DEUP1: variants seen among roughly 807,000 people sequenced by gnomAD.
DEUP1 encodes coiled-coil domain containing 67.
A neutral mutation model predicts 87.4 loss-of-function variants in DEUP1; 82 were observed. The observed-to-expected ratio is 0.94, with a 90% CI of 0.78 to 1.13. The LOEUF (loss-of-function observed/expected upper bound fraction) is 1.13, where lower values mean the gene tolerates loss of function less well. Among genes scored for constraint, DEUP1 ranks in the 50% most tolerant of loss-of-function variants. The pLI is 0.00. For synonymous variants in DEUP1, 214 were observed against 222.7 expected, an observed-to-expected ratio of 0.96 and a Z score of 0.35; for missense variants, 663 against 681.5, an observed-to-expected ratio of 0.97 and a Z score of 0.30.
intron 11 of DEUP1, among the ~76,000 whole-genome samples, chr11:93,405,207 C>G (rs1159685023): frequency 6.6e-6 from 1 of 151,828 alleles, no homozygotes; most frequent in Non-Finnish European, 1.5e-5. Context: ...CAACCCTTTT[C>G]AACCAGGTCT....
At chr11:93,387,482 T>C (rs1055170818) in intron 8 of DEUP1, among the ~76,000 whole-genome samples, 20 of 152,272 alleles carry the variant, frequency 1.3e-4, no homozygotes, top group African/African-American at 4.8e-4. Flanking sequence ...TGGGTTGATA[T>C]GTTCTGAGAG....
intron 11 of DEUP1, among the ~76,000 whole-genome samples, chr11:93,399,726 A>C (rs1446076200): frequency 1.3e-5 from 2 of 151,892 alleles, no homozygotes; most frequent in African/African-American, 4.8e-5. Context: ...TAGGCTTTTT[A>C]CTAGAGGTTT....
At chr11:93,435,390 A>C (rs550781394) in intron 13 of DEUP1, among the ~76,000 whole-genome samples, 134 of 152,332 alleles carry the variant, frequency 8.8e-4, no homozygotes, top group African/African-American at 2.6e-3. Flanking sequence ...AGCCAAAGAC[A>C]AAGGCTGGAT....
intron 2 of DEUP1, among the ~76,000 whole-genome samples, chr11:93,344,947 T>G (rs1329317405): frequency 6.6e-6 from 1 of 152,058 alleles, no homozygotes; most frequent in Non-Finnish European, 1.5e-5. Flanking sequence ...ACAGATTATT[T>G]CATCATCCAC....
At chr11:93,427,047 G>C (rs1361691005) in intron 13 of DEUP1, among the ~76,000 whole-genome samples, 1 of 88,124 alleles carries the variant, frequency 1.1e-5, no homozygotes, top group Admixed American at 1.3e-4. Context: ...TGGCCATACT[G>C]CCCAAGGTAA....
chr11:93,427,266 C>A (rs1012706266), intron 13 of DEUP1, among the ~76,000 whole-genome samples: 2 of 150,896 alleles, frequency 1.3e-5, no homozygotes, highest in Admixed American at 6.6e-5. Flanking sequence ...GGTACTGGTA[C>A]CAAAACAGAA....
intron 2 of DEUP1, among the ~76,000 whole-genome samples, chr11:93,350,026 G>A (rs895991687): frequency 5.3e-5 from 8 of 152,176 alleles, no homozygotes; most frequent in South Asian, 2.1e-4. Flanking sequence ...ATTGTTTTGA[G>A]GAGTATATTT....
chr11:93,371,315 A>G, intron 7 of DEUP1, 35 bp downstream of exon 7: 4 of 1,585,832 alleles, frequency 2.5e-6, no homozygotes, highest in Non-Finnish European at 3.4e-6. Flanking sequence ...AATATTGTCC[A>G]TGACTTGTAT....
chr11:93,331,878 T>C (rs929737748), intron 1 of DEUP1, among the ~76,000 whole-genome samples: 1 of 152,060 alleles, frequency 6.6e-6, no homozygotes, highest in African/African-American at 2.4e-5. Context: ...ACCCCGTCCC[T>C]ACTAAAAATA....
chr11:93,414,903 T>TC (rs1947558560), intron 12 of DEUP1, 97 bp from the exon 13 acceptor site: 1 of 571,430 alleles, frequency 1.7e-6, no homozygotes, highest in Admixed American at 3.4e-5. Context: ...TGTTGTGCTT[T>TC]CCCCCTACTT....
chr11:93,381,047 A>G (rs1946281737), intron 7 of DEUP1, among the ~76,000 whole-genome samples: 1 of 152,218 alleles, frequency 6.6e-6, no homozygotes, highest in Non-Finnish European at 1.5e-5. Context: ...CCATTTAGGT[A>G]AAAATCCTGA....
intron 13 of DEUP1, among the ~76,000 whole-genome samples, chr11:93,418,082 A>G (rs1289720020): frequency 6.6e-6 from 1 of 152,206 alleles, no homozygotes; most frequent in African/African-American, 2.4e-5. Flanking sequence ...AAAACTGTAG[A>G]AGAAAACCTA....
chr11:93,418,757 C>A (rs1382587623), intron 13 of DEUP1, among the ~76,000 whole-genome samples: 2 of 151,814 alleles, frequency 1.3e-5, no homozygotes, highest in Non-Finnish European at 1.5e-5. Context: ...GCACTATTCA[C>A]AATAGCAAAG....
At chr11:93,363,015 A>G (rs1174539069) in intron 4 of DEUP1, among the ~76,000 whole-genome samples, 3 of 151,906 alleles carry the variant, frequency 2.0e-5, no homozygotes, top group African/African-American at 7.2e-5. Context: ...ATGTCTCAAT[A>G]TATGAATGGT....
intron 2 of DEUP1, among the ~76,000 whole-genome samples, chr11:93,349,498 A>T (rs1346511013): frequency 6.6e-6 from 1 of 152,152 alleles, no homozygotes; most frequent in Non-Finnish European, 1.5e-5. Context: ...AAACCAAAGG[A>T]TCTGTGAGAC....
At chr11:93,415,671 T>A (rs1408011967) in intron 13 of DEUP1, among the ~76,000 whole-genome samples, 1 of 151,936 alleles carries the variant, frequency 6.6e-6, no homozygotes, top group African/African-American at 2.4e-5. Context: ...CTATCCTGAC[T>A]TTTAGCATTA....
At chr11:93,436,995 C>G (rs1374319834) in intron 13 of DEUP1, among the ~76,000 whole-genome samples, 1 of 152,048 alleles carries the variant, frequency 6.6e-6, no homozygotes, top group East Asian at 1.9e-4. Context: ...ATACTTTCTT[C>G]TCTGTGATAA....
intron 10 of DEUP1, among the ~76,000 whole-genome samples, 171 bp downstream of exon 10, chr11:93,394,827 G>C (rs1946886828): frequency 6.6e-6 from 1 of 152,114 alleles, no homozygotes; most frequent in Admixed American, 6.6e-5. Flanking sequence ...ATAACACAAA[G>C]TGTCACCAAC....
intron 7 of DEUP1, among the ~76,000 whole-genome samples, chr11:93,381,579 C>T (rs1426319289): frequency 7.9e-5 from 12 of 152,116 alleles, no homozygotes; most frequent in Admixed American, 7.9e-4. Context: ...ATGCTACACT[C>T]TACATGTTTT....
Sources: gnomAD v4.1 joint callset for allele counts (sites outside exome capture counted in the v4.1 genomes callset) on GRCh38, gnomAD v4.1.1 for gene constraint, MANE v1.5 for transcripts, NCBI Gene and HGNC (gene_info 2026-07-23, HGNC 2026-07-21) for gene names.